Variants in VGLL4 observed in about 807,000 individuals in gnomAD.
VGLL4 encodes transcription cofactor vestigial-like protein 4.
VGLL4 carries 7 observed loss-of-function variants against 21.0 expected under a neutral mutation model. The observed-to-expected ratio is 0.33, with a 90% CI of 0.19 to 0.63. VGLL4 has a LOEUF of 0.63. Ranked by LOEUF, VGLL4 falls within the 20% of genes least tolerant of loss-of-function variation. The pLI, the probability that VGLL4 is intolerant of heterozygous loss-of-function variation, is 0.78. For missense variants in VGLL4, 394 were observed against 425.7 expected (o/e 0.93, Z 0.66); for synonymous variants, 222 against 173.2 (o/e 1.28, Z -2.21).
chr3:11,583,110 A>G (rs890444316), intron 2 of VGLL4, among the ~76,000 whole-genome samples: 2 of 152,190 alleles, frequency 1.3e-5, no homozygotes, highest in African/African-American at 4.8e-5. Context: ...CCACCTGCCC[A>G]CTACCTGAGT....
At chr3:11,559,666 G>A (rs1371121378) in intron 3 of VGLL4, among the ~76,000 whole-genome samples, 6 of 152,218 alleles carry the variant, frequency 3.9e-5, no homozygotes, top group Non-Finnish European at 7.3e-5. Context: ...GCCCTTGGTC[G>A]TGGCTGTTTG....
intron 2 of VGLL4, among the ~76,000 whole-genome samples, chr3:11,573,248 A>C (rs1350431114): frequency 1.9e-3 from 11 of 5,716 alleles, no homozygotes; most frequent in South Asian, 5.6e-3. Context: ...AGAAATAGAG[A>C]AAGAAAGAAA....
Position 11,582,299 on chromosome 3 carries a change from T to C in VGLL4, c.273-17280A>G, listed in dbSNP as rs2074248560. The stretch of plus-strand genomic sequence containing the variant: ...CTTGGTACTAACCTCACTTTAATCA[T>C]TGCCAAAGAGCATGAAGACAGCCCA... On this transcript the variant is annotated intron_variant, in intron 2 of 4. Transcript: ENST00000430365. 3.1e-6 allele frequency: 5 copies of C among 1,603,572 alleles called. No individual in the cohort carries two copies. In the African/African-American group the frequency reaches 4.0e-5, roughly 13 times the overall value.
chr3:11,596,841 A>C (rs548385462), intron 2 of VGLL4, among the ~76,000 whole-genome samples: 1 of 152,306 alleles, frequency 6.6e-6, no homozygotes, highest in Non-Finnish European at 1.5e-5. Flanking sequence ...TCATAGTAAC[A>C]ATAAGTTACC....
intron 2 of VGLL4, among the ~76,000 whole-genome samples, chr3:11,587,112 G>C (rs547394685): frequency 1.1e-4 from 16 of 152,298 alleles, no homozygotes; most frequent in African/African-American, 3.8e-4. Flanking sequence ...GGCCAAGGAG[G>C]CCATCTTCTG....
At chr3:11,582,447 G>C in intron 2 of VGLL4, 1 of 1,386,404 alleles carries the variant, frequency 7.2e-7, no homozygotes. Context: ...GCGAGGTAAG[G>C]GGCCTGCTTG....
At chr3:11,573,359 G>T (rs2073925645) in intron 2 of VGLL4, among the ~76,000 whole-genome samples, 1 of 102,186 alleles carries the variant, frequency 9.8e-6, no homozygotes, top group Admixed American at 9.8e-5. Context: ...AAGAAAGAAA[G>T]AAAGAAAGAA....
At chr3:11,624,888 T>C (rs1006971055) in intron 1 of VGLL4, among the ~76,000 whole-genome samples, 2 of 152,128 alleles carry the variant, frequency 1.3e-5, no homozygotes, top group African/African-American at 2.4e-5. Flanking sequence ...CACGATTACA[T>C]TTAAAACCAC....
upstream of VGLL4, among the ~76,000 whole-genome samples, chr3:11,645,201 AC>A (rs142251853): frequency 0.42 from 48,889 of 117,112 alleles, 9,086 homozygotes; most frequent in Non-Finnish European, 0.48. Flanking sequence ...AAAAAAAAAA[AC>A]AAAAACTAAA....
At chr3:11,623,144 A>G (rs916493451) in intron 1 of VGLL4, among the ~76,000 whole-genome samples, 1 of 152,190 alleles carries the variant, frequency 6.6e-6, no homozygotes, top group African/African-American at 2.4e-5. Context: ...GAACCCACAC[A>G]GAATCAAAGC....
At chr3:11,628,649 T>A (rs1488113094) in intron 1 of VGLL4, among the ~76,000 whole-genome samples, 3 of 151,430 alleles carry the variant, frequency 2.0e-5, no homozygotes, top group African/African-American at 7.3e-5. Flanking sequence ...TGAAACCCCG[T>A]CTCTACTAAA....
chr3:11,597,125 A>G (rs1483206238), intron 2 of VGLL4, among the ~76,000 whole-genome samples: 1 of 152,190 alleles, frequency 6.6e-6, no homozygotes, highest in Non-Finnish European at 1.5e-5. Flanking sequence ...GCTACAATTC[A>G]TTCAGTAAGA....
At chr3:11,608,659 T>C (rs1362113045) in intron 1 of VGLL4, among the ~76,000 whole-genome samples, 1 of 152,240 alleles carries the variant, frequency 6.6e-6, no homozygotes, top group Non-Finnish European at 1.5e-5. Flanking sequence ...GTGGAAAATG[T>C]AACCCCACTG....
At chr3:11,577,911 T>C (rs1256097032) in intron 2 of VGLL4, among the ~76,000 whole-genome samples, 3 of 152,196 alleles carry the variant, frequency 2.0e-5, no homozygotes, top group Admixed American at 1.3e-4. Context: ...AGAATTCTCC[T>C]TCAAATTACT....
At chr3:11,630,934 A>T (rs904938647) in intron 1 of VGLL4, among the ~76,000 whole-genome samples, 2 of 146,508 alleles carry the variant, frequency 1.4e-5, no homozygotes, top group African/African-American at 5.5e-5. Flanking sequence ...ACTTGGCCAC[A>T]GAATAAACAA....
In VGLL4 at chr3:11,643,799, C is replaced by A; in HGVS notation, c.-281G>T. ...AGCGTTTCAGAAGTCCTTACAAGTC[C>A]TTCCTGGAAATGGAAAAGAGTGAAA... On this transcript the variant is annotated 5_prime_UTR_variant, in exon 1 of 5. The change creates a new upstream start codon in the 5' untranslated region. Coordinates refer to ENST00000430365, the MANE Select transcript of VGLL4 (RefSeq NM_001128219.3). 1 of 1,140,314 alleles carries A rather than the reference C, an allele frequency of 8.8e-7. No homozygotes were observed. 70.6% of individuals were successfully genotyped at this position (1,140,314 alleles called of 1,614,324 possible).
chr3:11,682,755 C>T (rs1290855300), intron 2 of VGLL4, among the ~76,000 whole-genome samples: 1 of 151,974 alleles, frequency 6.6e-6, no homozygotes, highest in East Asian at 1.9e-4. Context: ...CCATCTCTTA[C>T]ATCCAAGCAG....
At chr3:11,635,184 T>C (rs1255267721) in intron 1 of VGLL4, among the ~76,000 whole-genome samples, 1 of 151,490 alleles carries the variant, frequency 6.6e-6, no homozygotes, top group African/African-American at 2.4e-5. Context: ...AGAAAGGGAG[T>C]AGAGGTGAGC....
chr3:11,672,952 C>A (rs1317419024), intron 2 of VGLL4, among the ~76,000 whole-genome samples: 1 of 152,178 alleles, frequency 6.6e-6, no homozygotes, highest in African/African-American at 2.4e-5. Context: ...TCGCACAATT[C>A]AAACCCAGCT....
Sources: allele counts gnomAD v4.1 joint callset (sites outside exome capture counted in the v4.1 genomes callset), GRCh38; gene constraint gnomAD v4.1.1; transcripts MANE v1.5; gene names NCBI Gene and HGNC (gene_info 2026-07-23, HGNC 2026-07-21).